The following FHIT variants were observed in gnomAD, a reference collection of about 807,000 sequenced individuals.
The protein encoded by FHIT is bis(5'-adenosyl)-triphosphatase.
FHIT carries 19 observed loss-of-function variants against 17.9 expected under a neutral mutation model. That is an observed-to-expected ratio of 1.06 (90% confidence interval 0.74 to 1.56). The LOEUF is 1.56. FHIT is among the 40% of genes most tolerant of loss of function. FHIT has a pLI of 0.00. For missense variants in FHIT, 248 were observed against 189.2 expected (o/e 1.31, Z -1.82); for synonymous variants, 81 against 69.7 (o/e 1.16, Z -0.81).
chr3:60,917,763 C>A (rs1707081635), intron 3 of FHIT, among the ~76,000 whole-genome samples: 1 of 152,204 alleles, frequency 6.6e-6, no homozygotes, highest in Admixed American at 6.5e-5. Flanking sequence ...TGCAGATTTA[C>A]TTTCCTTATA....
chr3:59,862,809 T>C (rs371963444), intron 8 of FHIT, among the ~76,000 whole-genome samples: 1 of 152,202 alleles, frequency 6.6e-6, no homozygotes, highest in Non-Finnish European at 1.5e-5. Flanking sequence ...GGAAACACTA[T>C]AGATACGTTT....
intron 7 of FHIT, among the ~76,000 whole-genome samples, chr3:59,967,068 C>CAT (rs1002146805): frequency 2.0e-5 from 3 of 151,972 alleles, no homozygotes; most frequent in Non-Finnish European, 4.4e-5. Context: ...CACACACACA[C>CAT]ACATTAGTCT....
intron 5 of FHIT, among the ~76,000 whole-genome samples, chr3:60,329,858 ATG>A (rs1385780919): frequency 6.6e-6 from 1 of 152,192 alleles, no homozygotes; most frequent in African/African-American, 2.4e-5. Context: ...AACAATTTAT[ATG>A]TGTGTTTATA....
At chr3:60,574,662 C>A (rs189513352) in intron 4 of FHIT, among the ~76,000 whole-genome samples, 7 of 152,192 alleles carry the variant, frequency 4.6e-5, no homozygotes, top group African/African-American at 1.7e-4. Context: ...CATGGTCCAA[C>A]GTAACACTTT....
At position 60,288,566 on chromosome 3, in the gene FHIT, A is replaced by AGTGTGTGTGT. The variant is rs139336094; in HGVS notation, c.103+248284_103+248293dup. On this transcript the variant is annotated intron_variant, in intron 5 of 9. Transcript: ENST00000492590. ...CATTCTGTTTTCTAGGTTCTGGCACAGTGTGTGTGTGTGTGTGTGTGTGTG... is the reference window on the plus strand; with the variant it reads ...CATTCTGTTTTCTAGGTTCTGGCACAGTGTGTGTGTGTGTGTGTGTGTGTGTGTGTGTGTG... Among the ~76,000 whole-genome samples the AGTGTGTGTGT allele has an allele frequency of 1.8e-3, 258 of 144,662 alleles. 2 individuals carry two copies. Among genetic ancestry groups the AGTGTGTGTGT allele is most frequent in the Middle Eastern group, 7.1e-3 (2 of 282 alleles). 94.9% of individuals were successfully genotyped at this position (144,662 alleles called of 152,430 possible).
In FHIT at chr3:60,014,790, A is replaced by G. The variant is rs1375147256; in HGVS notation, c.104-638T>C. Among the ~76,000 whole-genome samples, 3 of 152,312 alleles carry G rather than the reference A, an allele frequency of 2.0e-5. No individual in the cohort carries two copies. The East Asian group carries it at 5.8e-4, about 29-fold the overall frequency. Reference sequence around the variant, plus strand: ...TTTTTTTTAGAATCCAAAAGAAGACATTTGAAGGTAAATCATGAACGAAAG... The same window carrying G: ...TTTTTTTTAGAATCCAAAAGAAGACGTTTGAAGGTAAATCATGAACGAAAG... On this transcript the variant is annotated intron_variant, in intron 5 of 9. Coordinates refer to ENST00000492590, the MANE Select transcript of FHIT (RefSeq NM_002012.4).
intron 3 of FHIT, among the ~76,000 whole-genome samples, chr3:60,928,367 T>TA (rs34316880): frequency 0.6 from 78,826 of 131,386 alleles, 23,568 homozygotes; most frequent in East Asian, 0.72. Context: ...GAAAGAACTT[T>TA]AAAAAAAAAA....
At chr3:59,901,930 G>A (rs745519777) in intron 8 of FHIT, among the ~76,000 whole-genome samples, 4 of 152,146 alleles carry the variant, frequency 2.6e-5, no homozygotes, top group Non-Finnish European at 5.9e-5. Context: ...ATATGGCCTA[G>A]CCATACAATG....
intron 5 of FHIT, among the ~76,000 whole-genome samples, chr3:60,290,592 T>C (rs1707936525): frequency 6.6e-6 from 1 of 152,038 alleles, no homozygotes; most frequent in Admixed American, 6.6e-5. Context: ...ACAGCAGAGA[T>C]GTTAAAACAT....
intron 5 of FHIT, among the ~76,000 whole-genome samples, chr3:60,506,153 G>A (rs1268977869): frequency 1.3e-5 from 2 of 152,130 alleles, no homozygotes; most frequent in Non-Finnish European, 2.9e-5. Context: ...AGCTTTCCAT[G>A]TTATTTTACA....
intron 5 of FHIT, among the ~76,000 whole-genome samples, chr3:60,081,718 T>C (rs1229960727): frequency 2.0e-5 from 3 of 152,254 alleles, no homozygotes; most frequent in South Asian, 2.1e-4. Context: ...TAGTTTATTA[T>C]AGATCTGTGG....
At chr3:61,112,994 G>A (rs1467465242) in intron 2 of FHIT, among the ~76,000 whole-genome samples, 2 of 151,956 alleles carry the variant, frequency 1.3e-5, no homozygotes, top group East Asian at 3.9e-4. Flanking sequence ...TGAACACTGT[G>A]TGTGTTTATT....
chr3:60,780,058 G>A (rs1700334366), intron 4 of FHIT, among the ~76,000 whole-genome samples: 1 of 152,140 alleles, frequency 6.6e-6, no homozygotes. Context: ...ATAGAAGATG[G>A]AAAGAGGATG....
Position 60,652,727 on chromosome 3 carries a change from CAAAAAAAAAAAA to C in FHIT, c.-17-115760_-17-115749del, listed in dbSNP as rs782637479. On this transcript the variant is annotated intron_variant, in intron 4 of 9. Transcript: ENST00000492590. The stretch of plus-strand genomic sequence containing the variant: ...TGGGCAAAAGAGAGAGACTCCATCT[CAAAAAAAAAAAA>C]AAAAAAAAAAAAATTCAAAAAGTAC... Among the ~76,000 whole-genome samples the C allele has an allele frequency of 5.5e-3, 324 of 59,008 alleles. 2 individuals are homozygous for C. The highest frequency in any genetic ancestry group is 0.025 in the South Asian group (39 of 1,546). The allele number at this position is 59,008 out of a possible 152,430, so 38.7% of individuals were successfully genotyped here.
intron 2 of FHIT, among the ~76,000 whole-genome samples, chr3:61,065,688 G>A (rs1020556164): frequency 6.6e-6 from 1 of 151,136 alleles, no homozygotes; most frequent in African/African-American, 2.4e-5. Flanking sequence ...GTAGCCATTA[G>A]TTGCTGTACT....
chr3:60,611,548 G>T (rs1386160363), intron 4 of FHIT, among the ~76,000 whole-genome samples: 1 of 152,128 alleles, frequency 6.6e-6, no homozygotes, highest in Non-Finnish European at 1.5e-5. Flanking sequence ...CCTTATAAAG[G>T]TATGGAAAGA....
chr3:60,588,041 G>C (rs1434372045), intron 4 of FHIT, among the ~76,000 whole-genome samples: 3 of 151,788 alleles, frequency 2.0e-5, no homozygotes, highest in African/African-American at 7.3e-5. Flanking sequence ...TAAAAACAAA[G>C]GTCAGCTGTC....
At chr3:60,112,597 C>G in intron 5 of FHIT, among the ~76,000 whole-genome samples, 1 of 152,320 alleles carries the variant, frequency 6.6e-6, no homozygotes, top group East Asian at 1.9e-4. Context: ...TCACCTTCCA[C>G]ACATCACATA....
intron 4 of FHIT, among the ~76,000 whole-genome samples, chr3:60,769,701 G>A (rs1398445121): frequency 4.6e-5 from 7 of 152,202 alleles, no homozygotes; most frequent in African/African-American, 7.2e-5. Context: ...TTGTGTGAAC[G>A]CAGTTTGAAC....
Sources: allele counts gnomAD v4.1 joint callset (sites outside exome capture counted in the v4.1 genomes callset), GRCh38; gene constraint gnomAD v4.1.1; transcripts MANE v1.5; gene names NCBI Gene and HGNC (gene_info 2026-07-23, HGNC 2026-07-21).